Variants in NEK1 observed in about 807,000 individuals in gnomAD.
The protein encoded by NEK1 is serine/threonine-protein kinase Nek1.
Under a neutral mutation model 182.1 loss-of-function variants are expected in NEK1, and 137 were observed. The ratio of observed to expected loss-of-function variants is 0.75; its 90% CI spans 0.65 to 0.87. NEK1 has a LOEUF of 0.87. Among genes scored for constraint, NEK1 ranks in the 40% least tolerant of loss-of-function variants. The pLI is 0.00. For synonymous variants in NEK1, 513 were observed against 492.2 expected (o/e 1.04, Z -0.56); for missense variants, 1,391 against 1,494.4 (o/e 0.93, Z 1.14).
intron 19 of NEK1, among the ~76,000 whole-genome samples, chr4:169,530,032 C>T (rs1757436836): frequency 6.6e-6 from 1 of 152,136 alleles, no homozygotes. Context: ...ACCCAGCAGA[C>T]CCACTCCTGG....
At chr4:169,549,450 T>G (rs1256843581) in intron 18 of NEK1, among the ~76,000 whole-genome samples, 2 of 152,188 alleles carry the variant, frequency 1.3e-5, no homozygotes, top group Non-Finnish European at 2.9e-5. Context: ...GAGACAGAAT[T>G]TTGCTCTTGT....
intron 19 of NEK1, among the ~76,000 whole-genome samples, chr4:169,510,796 G>A (rs1754048552): frequency 6.6e-6 from 1 of 151,988 alleles, no homozygotes; most frequent in Non-Finnish European, 1.5e-5. Flanking sequence ...ACTACTTGTG[G>A]TCTGTAAACT....
At chr4:169,468,625 G>A (rs1579933341) in intron 26 of NEK1, among the ~76,000 whole-genome samples, 1 of 152,160 alleles carries the variant, frequency 6.6e-6, no homozygotes, top group South Asian at 2.1e-4. Flanking sequence ...GGATGATGCT[G>A]GTCTCATAAA....
In NEK1 at chr4:169,564,275, G is replaced by C. The variant is rs1763356076; in HGVS notation, c.1021-2079C>G. Among the ~76,000 whole-genome samples, 4 of 152,024 alleles carry C rather than the reference G, an allele frequency of 2.6e-5. No individual in the cohort carries two copies. The South Asian group carries it at 8.3e-4, about 32-fold the overall frequency. On this transcript the variant is annotated intron_variant, in intron 12 of 35. Coordinates refer to ENST00000507142, the MANE Select transcript of NEK1 (RefSeq NM_001199397.3). ...CACCTACACTGGATTTCAATACAAA[G>C]GAAAGCAGACATTACTTAAAAAAAT... is the stretch of plus-strand genomic sequence containing the variant.
At chr4:169,492,105 C>G (rs144406965) in intron 23 of NEK1, among the ~76,000 whole-genome samples, 90 of 152,204 alleles carry the variant, frequency 5.9e-4, no homozygotes, top group African/African-American at 2.1e-3. Flanking sequence ...CAAAAAACAA[C>G]CAGAAAACAA....
At chr4:169,498,770 A>G (rs190229809) in intron 23 of NEK1, among the ~76,000 whole-genome samples, 56 of 152,292 alleles carry the variant, frequency 3.7e-4, no homozygotes, top group African/African-American at 1.3e-3. Flanking sequence ...CTGCCTAGAG[A>G]TCAGCTGTTA....
At chr4:169,417,626 G>C (rs1011984890) in intron 31 of NEK1, among the ~76,000 whole-genome samples, 1 of 152,204 alleles carries the variant, frequency 6.6e-6, no homozygotes, top group African/African-American at 2.4e-5. Flanking sequence ...TGCAAACAGA[G>C]AAGGCCCAGG....
chr4:169,509,126 C>T (rs181461929), intron 19 of NEK1, among the ~76,000 whole-genome samples: 12 of 152,056 alleles, frequency 7.9e-5, no homozygotes, highest in Admixed American at 4.6e-4. Context: ...TTTTTGTTTG[C>T]TTGTTTGTTT....
intron 28 of NEK1, among the ~76,000 whole-genome samples, chr4:169,436,765 T>G (rs1297224182): frequency 6.6e-6 from 1 of 152,182 alleles, no homozygotes; most frequent in East Asian, 1.9e-4. Context: ...GTTGTGCACA[T>G]AAGATCTGTT....
chr4:169,526,494 A>G (rs1283273837), intron 19 of NEK1, among the ~76,000 whole-genome samples: 1 of 152,186 alleles, frequency 6.6e-6, no homozygotes, highest in African/African-American at 2.4e-5. Context: ...CCGTCTCTAA[A>G]AAAAACAAAA....
intron 31 of NEK1, 40 bp from the exon 32 acceptor site, chr4:169,406,787 T>G (rs1159816680): frequency 1.3e-6 from 2 of 1,487,112 alleles, no homozygotes; most frequent in Non-Finnish European, 1.8e-6. Context: ...AGGAGAAAGA[T>G]AATTAAAACA....
chr4:169,565,351 C>T (rs891210449), intron 12 of NEK1, among the ~76,000 whole-genome samples: 1 of 152,106 alleles, frequency 6.6e-6, no homozygotes, highest in African/African-American at 2.4e-5. Context: ...CAAAAAATTC[C>T]CTGCTCTTTG....
At chr4:169,606,714 G>A (rs1771401496) in intron 2 of NEK1, among the ~76,000 whole-genome samples, 1 of 152,210 alleles carries the variant, frequency 6.6e-6, no homozygotes, top group Middle Eastern at 3.2e-3. Context: ...TATGATCTAG[G>A]AGATTAAGTG....
chr4:169,440,498 C>T (rs181431311), intron 27 of NEK1, among the ~76,000 whole-genome samples: 1 of 152,144 alleles, frequency 6.6e-6, no homozygotes, highest in East Asian at 1.9e-4. Context: ...TGACCACAGA[C>T]ACCTGGCACT....
At chr4:169,473,045 G>A (rs1288957223) in intron 26 of NEK1, among the ~76,000 whole-genome samples, 1 of 151,850 alleles carries the variant, frequency 6.6e-6, no homozygotes, top group East Asian at 1.9e-4. Flanking sequence ...GATTGTATGA[G>A]GCCAGGAGTT....
intron 18 of NEK1, among the ~76,000 whole-genome samples, chr4:169,542,849 T>C (rs1759696222): frequency 6.6e-6 from 1 of 152,082 alleles, no homozygotes; most frequent in South Asian, 2.1e-4. Flanking sequence ...TGGGGTTTTT[T>C]CTTGTAAATT....
At chr4:169,557,836 T>C (rs1314901103) in intron 16 of NEK1, among the ~76,000 whole-genome samples, 1 of 152,016 alleles carries the variant, frequency 6.6e-6, no homozygotes, top group Non-Finnish European at 1.5e-5. Context: ...GAGGCTGAGA[T>C]GGGAAGATTG....
rs115591884 is a variant in NEK1, at chr4:169,582,829, C to G, written c.808-1927G>C. On this transcript the variant is annotated intron_variant, in intron 10 of 35. Transcript: ENST00000507142. ...ATACCAAGGACATTTCAAGTGCTTA[C>G]TAACCACATGTGGCTAGTGGCTGCA... 6.6e-3 allele frequency among the ~76,000 whole-genome samples: 1,012 copies of G among 152,282 alleles called. 10 individuals carry two copies. Among genetic ancestry groups the G allele is most frequent in the African/African-American group, 0.023 (975 of 41,552 alleles).
At chr4:169,602,448 T>C in intron 3 of NEK1, 66 bp downstream of exon 3, 1 of 854,080 alleles carries the variant, frequency 1.2e-6, no homozygotes, top group Non-Finnish European at 1.9e-6. Context: ...TTAAAGAAAA[T>C]CTCTAACAAT....
Sources: gnomAD v4.1 joint callset for allele counts (sites outside exome capture counted in the v4.1 genomes callset) on GRCh38, gnomAD v4.1.1 for gene constraint, MANE v1.5 for transcripts, NCBI Gene and HGNC (gene_info 2026-07-23, HGNC 2026-07-21) for gene names.